The following ZFHX3 variants were observed in gnomAD, a reference collection of about 807,000 sequenced individuals.
The protein encoded by ZFHX3 is zinc finger homeobox 3.
In ZFHX3, 42 loss-of-function variants were observed where a neutral mutation model predicts 279.1. The ratio of observed to expected loss-of-function variants is 0.15; its 90% CI spans 0.12 to 0.19. The LOEUF (loss-of-function observed/expected upper bound fraction) is 0.19. Among genes scored for constraint, ZFHX3 ranks in the 10% least tolerant of loss-of-function variants. The pLI is 1.00. For synonymous variants in ZFHX3, 2,293 were observed against 1,957.8 expected, an observed-to-expected ratio of 1.17 and a Z score of -4.52; for missense variants, 4,981 against 4,754.0, an observed-to-expected ratio of 1.05 and a Z score of -1.40.
chr16:73,756,512 C>T (rs2053810624), intron 1 of ZFHX3, among the ~76,000 whole-genome samples: 1 of 152,242 alleles, frequency 6.6e-6, no homozygotes, highest in African/African-American at 2.4e-5. Context: ...GTGTACAAGA[C>T]AAGACAAATG....
chr16:72,950,755 T>C lies in ZFHX3; in HGVS notation c.2930A>G (p.Lys977Arg), dbSNP rs373965054. The C allele has an allele frequency of 1.9e-6, 3 of 1,614,204 alleles. No individual in the cohort carries two copies. Among genetic ancestry groups the C allele is most frequent in the Non-Finnish European group, 2.5e-6 (3 of 1,180,022 alleles). The stretch of plus-strand genomic sequence containing the variant: ...CTGGTATGAGTCCCCCATCACCGCC[T>C]TCCACTCGTCCTCCGACAGGCTGCG... ...VERSLSEDEW[K>R]AVMGDSYQCK... The change falls in exon 3 of 10, where the codon AAG (lysine) becomes AGG (arginine). Residue 977 changes from lysine (K) to arginine (R), a missense_variant. Physicochemically the swap from Lys to Arg is conservative, Grantham distance 26. Transcript: ENST00000268489.
chr16:73,386,345 C>T (rs936203591), intron 3 of ZFHX3, among the ~76,000 whole-genome samples: 1 of 152,102 alleles, frequency 6.6e-6, no homozygotes, highest in African/African-American at 2.4e-5. Flanking sequence ...GATTTGAATT[C>T]CAGGTTCACC....
intron 2 of ZFHX3, chr16:73,543,902 G>GAGAGAGAGAC (rs2020063580): frequency 6.6e-6 from 1 of 151,746 alleles, no homozygotes; most frequent in Admixed American, 6.6e-5. Flanking sequence ...GAGAGAGAGA[G>GAGAGAGAGAC]AGAGAGAGAC....
chr16:73,830,299 C>T (rs1334283333), intron 1 of ZFHX3, among the ~76,000 whole-genome samples: 1 of 147,406 alleles, frequency 6.8e-6, no homozygotes, highest in Non-Finnish European at 1.5e-5. Flanking sequence ...CCTGCGCCCA[C>T]TGTCTGGCAC....
intron 5 of ZFHX3, among the ~76,000 whole-genome samples, chr16:73,229,900 CA>C (rs1007746897): frequency 5.3e-5 from 8 of 152,018 alleles, no homozygotes; most frequent in African/African-American, 1.4e-4. Flanking sequence ...TTACAGCTAA[CA>C]AAAGGCACAA....
At chr16:73,581,486 A>T (rs1402191586) in intron 2 of ZFHX3, among the ~76,000 whole-genome samples, 1 of 151,738 alleles carries the variant, frequency 6.6e-6, no homozygotes, top group African/African-American at 2.4e-5. Flanking sequence ...ACACAAATGG[A>T]TGCTTGTTAC....
intron 4 of ZFHX3, among the ~76,000 whole-genome samples, chr16:72,834,962 C>A (rs1488125019): frequency 1.3e-5 from 2 of 152,142 alleles, no homozygotes; most frequent in African/African-American, 2.4e-5. Flanking sequence ...CAGGATAATG[C>A]AGATTAATTC....
chr16:73,843,927 A>T (rs1251960890), intron 1 of ZFHX3, among the ~76,000 whole-genome samples: 2 of 152,244 alleles, frequency 1.3e-5, no homozygotes, highest in Non-Finnish European at 2.9e-5. Flanking sequence ...TGTAGTCTTC[A>T]TGTGTAACAA....
rs201412119 is a variant in ZFHX3 at position 72,788,814 on chromosome 16, C to T, written c.9462G>A (p.Leu3154=). The T allele has an allele frequency of 3.1e-4, 470 of 1,526,220 alleles. 8 individuals carry two copies. In the South Asian group the frequency reaches 3.9e-3, roughly 13 times the overall value. The allele number at this position is 1,526,220 out of a possible 1,614,324, so 94.5% of individuals were successfully genotyped here. ...LTSPKPNLMG[L]PSTTVPSPGL... is the part of the protein sequence containing the mutation. ...CAGGGGAAGGAACAGTTGTGCTGGG[C>T]AGACCCATCAAGTTCGGCTTAGGAG... Residue 3154 remains leucine (L), a synonymous_variant, in exon 10 of 10, where the codon CTG becomes CTA. Transcript: ENST00000268489.
chr16:73,064,534 G>A (rs1965722938), upstream of ZFHX3, among the ~76,000 whole-genome samples: 1 of 151,064 alleles, frequency 6.6e-6, no homozygotes, highest in Non-Finnish European at 1.5e-5. Flanking sequence ...TTGAACTCCC[G>A]ATTCAAAAGA....
At chr16:72,800,170 C>T (rs367755318) in intron 7 of ZFHX3, 41 bp from the exon 8 acceptor site, 46 of 1,534,026 alleles carry the variant, frequency 3.0e-5, no homozygotes, top group Middle Eastern at 1.7e-4. Flanking sequence ...GAGAGGAAAG[C>T]GACACAAAAT....
intron 1 of ZFHX3, among the ~76,000 whole-genome samples, chr16:73,847,772 C>CT (rs1413521451): frequency 6.6e-6 from 1 of 152,048 alleles, no homozygotes; most frequent in African/African-American, 2.4e-5. Context: ...GAGTCTCCCT[C>CT]TATTGCCCAG....
At chr16:73,367,442 G>T (rs2016548562) in intron 3 of ZFHX3, among the ~76,000 whole-genome samples, 1 of 152,160 alleles carries the variant, frequency 6.6e-6, no homozygotes, top group Non-Finnish European at 1.5e-5. Flanking sequence ...AATTAAAAAT[G>T]ATGGTACCTT....
chr16:72,851,414 A>G (rs1160466179), intron 4 of ZFHX3, among the ~76,000 whole-genome samples: 1 of 152,174 alleles, frequency 6.6e-6, no homozygotes, highest in Non-Finnish European at 1.5e-5. Flanking sequence ...TCTTCCAGAG[A>G]GAGTACTCTT....
At chr16:73,465,053 C>A (rs573319265) in intron 2 of ZFHX3, among the ~76,000 whole-genome samples, 49 of 152,268 alleles carry the variant, frequency 3.2e-4, no homozygotes, top group African/African-American at 1.1e-3. Flanking sequence ...TGAGAGGACC[C>A]GGCACACCGG....
chr16:73,275,873 A>T (rs1012181204), intron 4 of ZFHX3, among the ~76,000 whole-genome samples: 14 of 152,250 alleles, frequency 9.2e-5, no homozygotes, highest in Middle Eastern at 3.4e-3. Flanking sequence ...AAAAGAAGGT[A>T]TCCTGGTATA....
At chr16:73,137,554 T>C (rs1966815420) in intron 6 of ZFHX3, 1 of 152,160 alleles carries the variant, frequency 6.6e-6, no homozygotes, top group Non-Finnish European at 1.5e-5. Flanking sequence ...TCGTGGGACT[T>C]GCAAATAAAC....
At chr16:73,328,627 C>A (rs1270882050) in intron 3 of ZFHX3, among the ~76,000 whole-genome samples, 1 of 152,160 alleles carries the variant, frequency 6.6e-6, no homozygotes, top group Non-Finnish European at 1.5e-5. Context: ...ATCCAGAGTT[C>A]TCTCTCAGCT....
At chr16:73,080,898 GC>G (rs1597150058) in intron 8 of ZFHX3, among the ~76,000 whole-genome samples, 1 of 152,004 alleles carries the variant, frequency 6.6e-6, no homozygotes. Flanking sequence ...TCTTAAATGT[GC>G]CCAAAAGTCT....
Sources: gnomAD v4.1 joint callset for allele counts (sites outside exome capture counted in the v4.1 genomes callset) on GRCh38, gnomAD v4.1.1 for gene constraint, MANE v1.5 for transcripts, NCBI Gene and HGNC (gene_info 2026-07-23, HGNC 2026-07-21) for gene names.